The following UGT1A6 variants were observed in gnomAD, a reference collection of about 807,000 sequenced individuals.
The protein encoded by UGT1A6 is UDP glucuronosyltransferase family 1 member A6.
A neutral mutation model predicts 44.4 loss-of-function variants in UGT1A6; 32 were observed. The ratio of observed to expected loss-of-function variants is 0.72; its 90% confidence interval spans 0.54 to 0.97. The LOEUF (loss-of-function observed/expected upper bound fraction) is 0.97, where lower values mean the gene tolerates loss of function less well. Among genes scored for constraint, UGT1A6 ranks in the 50% least tolerant of loss-of-function variants. The probability of loss-of-function intolerance (pLI) is 0.00; values close to 1 mark genes in which losing one functional copy is unlikely to be tolerated. For missense variants in UGT1A6, 685 were observed against 661.9 expected, an observed-to-expected ratio of 1.03 and a Z score of -0.38; for synonymous variants, 238 against 248.5, an observed-to-expected ratio of 0.96 and a Z score of 0.40.
rs769029902 is a variant in UGT1A6, at chr2:233,746,869, C to G, written c.862-20165C>G. Among the ~76,000 whole-genome samples, 366 of 151,862 alleles carry G rather than the reference C, an allele frequency of 2.4e-3. 1 individual carries two copies. Among genetic ancestry groups the G allele is most frequent in the Non-Finnish European group, 3.4e-3 (229 of 68,000 alleles). ...CAGACCTCAGCTGCAGCCTGATAAA[C>G]GTGGTTAACAGAGAAGTAGGAGGCT... On this transcript the variant is annotated intron_variant, in intron 1 of 4. Coordinates refer to ENST00000305139, the MANE Select transcript of UGT1A6 (RefSeq NM_001072.4).
Position 233,719,094 on chromosome 2 carries a change from G to A in UGT1A6, c.861+25229G>A, listed in dbSNP as rs376370143. 116 of 1,614,204 alleles carry A rather than the reference G, an allele frequency of 7.2e-5. No individual in the cohort carries two copies. Among genetic ancestry groups the A allele is most frequent in the East Asian group, 4.2e-4 (19 of 44,884 alleles). ...ATGGACCCAGAAGGAATTTGATCGCGTTACGCTGGGCTACACTCAAGGGTT... is the reference window on the plus strand; with the variant it reads ...ATGGACCCAGAAGGAATTTGATCGCATTACGCTGGGCTACACTCAAGGGTT... On this transcript the variant is annotated intron_variant, in intron 1 of 4. Coordinates refer to ENST00000305139, the MANE Select transcript of UGT1A6 (RefSeq NM_001072.4).
chr2:233,719,549 G>A (rs1246410052), intron 1 of UGT1A6: 1 of 1,613,938 alleles, frequency 6.2e-7, no homozygotes, highest in African/African-American at 1.3e-5. Context: ...AGAGAGAGGT[G>A]TCAGTGGTGG....
intron 1 of UGT1A6, among the ~76,000 whole-genome samples, chr2:233,766,527 C>T (rs182363342): frequency 4.6e-5 from 7 of 152,118 alleles, no homozygotes; most frequent in Non-Finnish European, 7.3e-5. Context: ...AACATTTAGG[C>T]AGGAAAACAA....
intron 1 of UGT1A6, among the ~76,000 whole-genome samples, chr2:233,744,831 G>A (rs1406769887): frequency 6.6e-6 from 1 of 151,816 alleles, no homozygotes; most frequent in African/African-American, 2.4e-5. Flanking sequence ...TTTGAGAATC[G>A]CTAGTCTAGC....
intron 1 of UGT1A6, among the ~76,000 whole-genome samples, chr2:233,757,560 A>ATATATATATATATATATATATATG (rs904896556): frequency 5.7e-5 from 7 of 123,150 alleles, no homozygotes; most frequent in African/African-American, 2.4e-4. Context: ...ATATATATAT[A>ATATATATATATATATATATATATG]TGTATATATG....
At chr2:233,759,343 G>A (rs548174363) in intron 1 of UGT1A6, among the ~76,000 whole-genome samples, 89 of 152,214 alleles carry the variant, frequency 5.8e-4, no homozygotes, top group Non-Finnish European at 1.2e-3. Context: ...TCAGGTGAGC[G>A]CTGAAAATCT....
intron 2 of UGT1A6, 50 bp from the exon 3 acceptor site, chr2:233,767,799 T>A (rs1699488429): frequency 6.2e-7 from 1 of 1,614,032 alleles, no homozygotes. Context: ...ATTTGTTTTC[T>A]AATCATATTA....
chr2:233,729,311 C>T (rs367893745), intron 1 of UGT1A6: 1 of 1,614,250 alleles, frequency 6.2e-7, no homozygotes, highest in South Asian at 1.1e-5. Flanking sequence ...GTGGTCCTCA[C>T]CCCAGAGGTG....
At chr2:233,741,260 G>T (rs1242600336) in intron 1 of UGT1A6, among the ~76,000 whole-genome samples, 1 of 151,812 alleles carries the variant, frequency 6.6e-6, no homozygotes, top group Non-Finnish European at 1.5e-5. Context: ...GCCACTCTTT[G>T]CTGACCACTG....
intron 1 of UGT1A6, among the ~76,000 whole-genome samples, chr2:233,707,513 AT>A (rs1477564878): frequency 2.1e-5 from 3 of 144,262 alleles, no homozygotes. Context: ...CATAAATAGA[AT>A]TTTACTGTTT....
chr2:233,768,027 G>A (rs762903764), intron 3 of UGT1A6, 91 bp downstream of exon 3: 89 of 1,612,900 alleles, frequency 5.5e-5, no homozygotes, highest in Non-Finnish European at 7.1e-5. Context: ...TGTTGAGCTT[G>A]AAAATATTAT....
At chr2:233,713,778 A>G (rs1288878856) in intron 1 of UGT1A6, 1 of 1,613,946 alleles carries the variant, frequency 6.2e-7, no homozygotes, top group East Asian at 2.2e-5. Flanking sequence ...GGACTTTGTG[A>G]TGGATTACCC....
intron 1 of UGT1A6, among the ~76,000 whole-genome samples, chr2:233,751,702 C>T (rs1485888079): frequency 6.6e-6 from 1 of 152,152 alleles, no homozygotes; most frequent in East Asian, 1.9e-4. Flanking sequence ...AGGGGCTCTT[C>T]CTCCTTCACT....
rs1457518108 is a variant in UGT1A6 at position 233,693,184 on chromosome 2, G to A, written c.180G>A (p.Val60=). The A allele has an allele frequency of 1.2e-6, 2 of 1,614,016 alleles. No homozygotes were observed. The highest frequency in any genetic ancestry group is 1.3e-5 in the African/African-American group (1 of 74,922). ...SDRGHEIVVV[V]PEVNLLLKES... is the part of the protein sequence containing the mutation. ...GGGGTCATGAGATTGTAGTGGTGGT[G>A]CCTGAAGTTAATTTGCTTTTGAAAG... The change falls in exon 1 of 5, where the codon GTG becomes GTA. Residue 60 remains valine (V), a synonymous_variant. Coordinates refer to ENST00000305139, the MANE Select transcript of UGT1A6 (RefSeq NM_001072.4).
chr2:233,704,582 A>G (rs1433849632), intron 1 of UGT1A6, among the ~76,000 whole-genome samples: 2 of 152,188 alleles, frequency 1.3e-5, no homozygotes, highest in African/African-American at 4.8e-5. Context: ...TTCAAGAATC[A>G]GAGAGAAGAA....
chr2:233,712,879 A>C (rs969430104), intron 1 of UGT1A6: 3 of 1,597,048 alleles, frequency 1.9e-6, no homozygotes, highest in Non-Finnish European at 2.6e-6. Flanking sequence ...CTCTGTCTTC[A>C]ATTACATGTT....
intron 1 of UGT1A6, chr2:233,756,417 G>T (rs1392251682): frequency 6.6e-6 from 1 of 151,810 alleles, no homozygotes; most frequent in Non-Finnish European, 1.5e-5. Context: ...TGTATTATTT[G>T]TACTGTTTTT....
chr2:233,757,415 G>A (rs918647470), intron 1 of UGT1A6, among the ~76,000 whole-genome samples: 20 of 151,366 alleles, frequency 1.3e-4, no homozygotes, highest in Admixed American at 1.1e-3. Flanking sequence ...GGTCTAGAAC[G>A]AAAAGAGAAG....
Position 233,729,464 on chromosome 2 carries a change from G to C in UGT1A6, c.861+35599G>C, listed in dbSNP as rs146268573. ...CATTTTCTGAAGAAATTTTTCAGAA[G>C]TATGGCAATGTTGAACAATATGTCT... On this transcript the variant is annotated intron_variant, in intron 1 of 4. Coordinates refer to ENST00000305139, the MANE Select transcript of UGT1A6 (RefSeq NM_001072.4). 178 of 1,614,158 alleles carry C rather than the reference G, an allele frequency of 1.1e-4. 1 individual carries two copies. In the African/African-American group the frequency reaches 2.0e-3, roughly 18 times the overall value.
Sources: gnomAD v4.1 joint callset for allele counts (sites outside exome capture counted in the v4.1 genomes callset) on GRCh38, gnomAD v4.1.1 for gene constraint, MANE v1.5 for transcripts, NCBI Gene and HGNC (gene_info 2026-07-23, HGNC 2026-07-21) for gene names.